Variants in IL23R observed in about 807,000 individuals in gnomAD.
IL23R encodes the protein interleukin-23 receptor.
In IL23R, 34 loss-of-function variants were observed where a neutral mutation model predicts 56.9. The observed-to-expected ratio is 0.60, with a 90% CI of 0.45 to 0.80. The LOEUF (loss-of-function observed/expected upper bound fraction) is 0.80, where lower values mean the gene tolerates loss of function less well. IL23R is among the 30% of genes least tolerant of loss of function. The pLI, the probability that IL23R is intolerant of heterozygous loss-of-function variation, is 0.00. For missense variants in IL23R, 635 were observed against 730.0 expected, an observed-to-expected ratio of 0.87 and a Z score of 1.50; for synonymous variants, 230 against 249.2, an observed-to-expected ratio of 0.92 and a Z score of 0.73.
intron 4 of IL23R, among the ~76,000 whole-genome samples, chr1:67,191,538 C>T (rs1266008293): frequency 2.0e-5 from 3 of 152,140 alleles, no homozygotes; most frequent in Non-Finnish European, 4.4e-5. Flanking sequence ...ATGCTGTAGC[C>T]TTTGCCCTTT....
At position 67,153,312 on chromosome 1, in the gene IL23R, A is replaced by T. The variant is rs543531922; in HGVS notation, c.-634+14151A>T. On this transcript the variant is annotated intron_variant, in intron 1 of 10. Coordinates refer to the IL23R transcript ENST00000637002. The stretch of plus-strand genomic sequence containing the variant: ...GGTGATATCCCCTTTATCATTTTTT[A>T]TTGTGTCTATTTGACTCTTCTCTCT... Among the ~76,000 whole-genome samples, 11 of 151,928 alleles carry T rather than the reference A, an allele frequency of 7.2e-5. 1 individual carries two copies. The South Asian group carries it at 2.1e-3, about 29-fold the overall frequency.
At chr1:67,220,929 G>A (rs1407506613) in intron 7 of IL23R, among the ~76,000 whole-genome samples, 1 of 152,216 alleles carries the variant, frequency 6.6e-6, no homozygotes, top group African/African-American at 2.4e-5. Context: ...TTGAACCTGG[G>A]AGGTCGAGAA....
At chr1:67,252,609 G>A (rs1274880018) in intron 9 of IL23R, among the ~76,000 whole-genome samples, 1 of 152,130 alleles carries the variant, frequency 6.6e-6, no homozygotes, top group Non-Finnish European at 1.5e-5. Flanking sequence ...TTCCTTGCTT[G>A]TTCACTCAGT....
upstream of IL23R, among the ~76,000 whole-genome samples, chr1:67,163,302 C>T (rs1257948261): frequency 1.3e-5 from 2 of 151,372 alleles, no homozygotes; most frequent in Admixed American, 6.6e-5. Context: ...AACACCATCT[C>T]TACAAAATAT....
At chr1:67,158,124 G>C (rs567475849) in intron 1 of IL23R, among the ~76,000 whole-genome samples, 1 of 152,072 alleles carries the variant, frequency 6.6e-6, no homozygotes, top group Non-Finnish European at 1.5e-5. Context: ...GCTGAGGAAG[G>C]AGAATAGCTT....
intron 9 of IL23R, among the ~76,000 whole-genome samples, chr1:67,241,722 G>C (rs530168419): frequency 2.0e-5 from 3 of 152,270 alleles, no homozygotes; most frequent in African/African-American, 7.2e-5. Flanking sequence ...TAAAACCTTT[G>C]AGAGAATACA....
chr1:67,206,520 G>A (rs1207053328), intron 5 of IL23R, among the ~76,000 whole-genome samples: 2 of 152,040 alleles, frequency 1.3e-5, no homozygotes, highest in African/African-American at 4.8e-5. Flanking sequence ...CTAAATTTGG[G>A]TGCATATCAT....
At chr1:67,215,615 T>C (rs1357296034) in intron 6 of IL23R, among the ~76,000 whole-genome samples, 7 of 152,174 alleles carry the variant, frequency 4.6e-5, no homozygotes, top group Non-Finnish European at 1.0e-4. Flanking sequence ...GGCCAGGATA[T>C]GGGGCTGGGA....
intron 6 of IL23R, among the ~76,000 whole-genome samples, chr1:67,218,863 A>G (rs1043712286): frequency 6.6e-6 from 1 of 151,976 alleles, no homozygotes; most frequent in African/African-American, 2.4e-5. Flanking sequence ...TGGAGGTTGC[A>G]GTGAGCTGTG....
At chr1:67,167,346 C>T (rs889765271) in intron 1 of IL23R, among the ~76,000 whole-genome samples, 1 of 152,236 alleles carries the variant, frequency 6.6e-6, no homozygotes, top group African/African-American at 2.4e-5. Flanking sequence ...GCTGGGATTA[C>T]AGGCATGAGC....
At chr1:67,213,374 A>C (rs1031696696) in intron 6 of IL23R, among the ~76,000 whole-genome samples, 2 of 152,224 alleles carry the variant, frequency 1.3e-5, no homozygotes, top group Admixed American at 1.3e-4. Flanking sequence ...GCCATGCAGC[A>C]GGGATAGTAG....
intron 7 of IL23R, among the ~76,000 whole-genome samples, chr1:67,234,211 C>T (rs1383946190): frequency 6.6e-6 from 1 of 152,126 alleles, no homozygotes; most frequent in Non-Finnish European, 1.5e-5. Flanking sequence ...AGAATGTAAT[C>T]TACATAGCTT....
intron 1 of IL23R, among the ~76,000 whole-genome samples, chr1:67,158,804 G>T (rs1457697362): frequency 6.6e-6 from 1 of 151,836 alleles, no homozygotes; most frequent in African/African-American, 2.4e-5. Context: ...GGGGCCTGGT[G>T]GGAGATGATT....
intron 9 of IL23R, among the ~76,000 whole-genome samples, chr1:67,253,851 A>G (rs1027357465): frequency 2.0e-5 from 3 of 152,186 alleles, no homozygotes; most frequent in Non-Finnish European, 4.4e-5. Flanking sequence ...CCTAAAAACT[A>G]ATTTTCAGTT....
chr1:67,261,040 GCTTA>G (rs2100403291), downstream of IL23R, among the ~76,000 whole-genome samples: 1 of 150,514 alleles, frequency 6.6e-6, no homozygotes, highest in Non-Finnish European at 1.5e-5. Flanking sequence ...AAGACTCATT[GCTTA>G]CTATGTCTTT....
chr1:67,214,607 T>C (rs1649709445), intron 6 of IL23R, among the ~76,000 whole-genome samples: 1 of 152,186 alleles, frequency 6.6e-6, no homozygotes, highest in Non-Finnish European at 1.5e-5. Context: ...CAGAAAACAG[T>C]TGGTTTCTGA....
intron 9 of IL23R, among the ~76,000 whole-genome samples, chr1:67,253,758 T>TA (rs1042578004): frequency 7.9e-5 from 12 of 152,234 alleles, no homozygotes; most frequent in Admixed American, 6.5e-5. Flanking sequence ...TAATACCCCA[T>TA]AAAAAAATCA....
chr1:67,162,931 G>T (rs918091639), upstream of IL23R, among the ~76,000 whole-genome samples: 2 of 152,334 alleles, frequency 1.3e-5, no homozygotes, highest in African/African-American at 4.8e-5. Flanking sequence ...CCTTAAAGGT[G>T]TGCACGCAGT....
intron 7 of IL23R, among the ~76,000 whole-genome samples, chr1:67,235,262 C>G (rs1651393461): frequency 6.6e-6 from 1 of 152,134 alleles, no homozygotes; most frequent in South Asian, 2.1e-4. Context: ...GTAGAGAAGC[C>G]AGGACAAAAA....
Sources: gnomAD v4.1 joint callset for allele counts (sites outside exome capture counted in the v4.1 genomes callset) on GRCh38, gnomAD v4.1.1 for gene constraint, MANE v1.5 for transcripts, NCBI Gene and HGNC (gene_info 2026-07-23, HGNC 2026-07-21) for gene names.